Variants in TNKS observed in about 807,000 individuals in gnomAD.
The protein encoded by TNKS is poly [ADP-ribose] polymerase tankyrase-1.
TNKS carries 72 observed loss-of-function variants against 135.8 expected under a neutral mutation model. The observed-to-expected ratio is 0.53, with a 90% confidence interval of 0.44 to 0.64. The LOEUF is 0.64. TNKS is among the 30% of genes least tolerant of loss of function. The pLI, the probability that TNKS is intolerant of heterozygous loss-of-function variation, is 0.00. For synonymous variants in TNKS, 849 were observed against 649.3 expected (o/e 1.31, Z -4.68); for missense variants, 1,769 against 1,674.0 (o/e 1.06, Z -0.99).
chr8:9,749,471 CTTT>C (rs68021813), intron 18 of TNKS, among the ~76,000 whole-genome samples: 4 of 137,540 alleles, frequency 2.9e-5, no homozygotes, highest in African/African-American at 2.7e-5. Context: ...TTTTTCTTTT[CTTT>C]TTTTTTTTTT....
At chr8:9,559,476 A>AT in intron 1 of TNKS, among the ~76,000 whole-genome samples, 1 of 152,286 alleles carries the variant, frequency 6.6e-6, no homozygotes, top group East Asian at 1.9e-4. Flanking sequence ...CAGGGATTAC[A>AT]TGTGCAGGTT....
chr8:9,567,949 A>G, intron 1 of TNKS, among the ~76,000 whole-genome samples: 1 of 152,224 alleles, frequency 6.6e-6, no homozygotes, highest in East Asian at 1.9e-4. Context: ...AAGTGAAAAA[A>G]AAGGGGGGTA....
chr8:9,576,392 A>G (rs1288556887), intron 1 of TNKS, among the ~76,000 whole-genome samples: 1 of 152,052 alleles, frequency 6.6e-6, no homozygotes, highest in East Asian at 1.9e-4. Flanking sequence ...CAATCATGGC[A>G]GAAGGCAAAG....
intron 5 of TNKS, among the ~76,000 whole-genome samples, chr8:9,702,535 A>G (rs1191078810): frequency 6.6e-6 from 1 of 152,210 alleles, no homozygotes; most frequent in Non-Finnish European, 1.5e-5. Context: ...TAAAGGAAGG[A>G]AAAAAGTTAA....
intron 3 of TNKS, among the ~76,000 whole-genome samples, chr8:9,637,270 T>C (rs1305731491): frequency 6.6e-6 from 1 of 152,228 alleles, no homozygotes; most frequent in African/African-American, 2.4e-5. Flanking sequence ...TGTTATTGCC[T>C]GTGAGTATCA....
At chr8:9,750,221 G>C (rs759005455) in intron 18 of TNKS, among the ~76,000 whole-genome samples, 1 of 152,150 alleles carries the variant, frequency 6.6e-6, no homozygotes, top group Non-Finnish European at 1.5e-5. Context: ...ATGTTTTCCT[G>C]TCAGCACGCT....
At chr8:9,572,711 G>C (rs751616064) in intron 1 of TNKS, among the ~76,000 whole-genome samples, 54 of 152,168 alleles carry the variant, frequency 3.5e-4, no homozygotes, top group Non-Finnish European at 6.9e-4. Flanking sequence ...CTATAATTTT[G>C]AGGCTGCCTC....
chr8:9,556,185 C>T lies in TNKS; in HGVS notation c.246C>T (p.Asp82=), dbSNP rs1331900587. The change falls in exon 1 of 27, where the codon GAC becomes GAT. Residue 82 remains aspartate, a synonymous_variant. Transcript: ENST00000310430. ...CGCCCGACAGGCCCCGATCCCCGGA[C>T]CCGGTTGACGGTACCAGCTGTTGCA... ...RDPPDRPRSP[D]PVDGTSCCST... is the part of the protein sequence containing the mutation. 1.9e-6 allele frequency: 3 copies of T among 1,613,128 alleles called. No homozygotes were observed. The Admixed American group carries it at 5.0e-5, about 27-fold the overall frequency.
chr8:9,683,140 C>G (rs904293058), intron 5 of TNKS, among the ~76,000 whole-genome samples: 4 of 151,944 alleles, frequency 2.6e-5, no homozygotes, highest in Admixed American at 1.3e-4. Flanking sequence ...ATTTACGGCA[C>G]AGAGTAATTC....
At chr8:9,592,009 C>G (rs899548088) in intron 2 of TNKS, among the ~76,000 whole-genome samples, 3 of 152,136 alleles carry the variant, frequency 2.0e-5, no homozygotes, top group Non-Finnish European at 4.4e-5. Flanking sequence ...TCAGCTATTT[C>G]ATGTGAAAAC....
chr8:9,564,032 C>A (rs949776077), intron 1 of TNKS, among the ~76,000 whole-genome samples: 6 of 152,200 alleles, frequency 3.9e-5, no homozygotes, highest in African/African-American at 1.4e-4. Flanking sequence ...TCTGCAGGAT[C>A]ATCTTTTACA....
chr8:9,634,487 T>C (rs1437746496), intron 3 of TNKS, among the ~76,000 whole-genome samples: 1 of 152,220 alleles, frequency 6.6e-6, no homozygotes, highest in Non-Finnish European at 1.5e-5. Flanking sequence ...AGTTTGTTGT[T>C]CTTTGTTTTT....
intron 3 of TNKS, among the ~76,000 whole-genome samples, chr8:9,676,011 T>A (rs1471117059): frequency 4.7e-5 from 7 of 150,242 alleles, no homozygotes; most frequent in Non-Finnish European, 5.9e-5. Flanking sequence ...TCAGAATTTT[T>A]TTTTTTTTTT....
intron 1 of TNKS, among the ~76,000 whole-genome samples, chr8:9,569,505 T>C (rs1488727490): frequency 6.6e-6 from 1 of 152,258 alleles, no homozygotes; most frequent in African/African-American, 2.4e-5. Context: ...ATCTATCTTA[T>C]ATAGTTGTAG....
intron 3 of TNKS, among the ~76,000 whole-genome samples, chr8:9,652,797 T>G (rs190424000): frequency 6.6e-6 from 1 of 152,306 alleles, no homozygotes; most frequent in African/African-American, 2.4e-5. Context: ...ATTGAGTGTT[T>G]TATTTCCATT....
chr8:9,662,343 C>T (rs904637507), intron 3 of TNKS, among the ~76,000 whole-genome samples: 1 of 152,184 alleles, frequency 6.6e-6, no homozygotes, highest in African/African-American at 2.4e-5. Flanking sequence ...TTGGAACCAA[C>T]CCAAATGTCC....
At chr8:9,699,637 C>G (rs996203977) in intron 5 of TNKS, among the ~76,000 whole-genome samples, 4 of 152,136 alleles carry the variant, frequency 2.6e-5, no homozygotes, top group Non-Finnish European at 4.4e-5. Flanking sequence ...TGCACTCACC[C>G]TTCTTGTGAA....
intron 5 of TNKS, among the ~76,000 whole-genome samples, chr8:9,703,640 A>G (rs1803922536): frequency 6.6e-6 from 1 of 152,234 alleles, no homozygotes. Context: ...ATATCTCAAA[A>G]GCAATAGTAG....
chr8:9,729,927 C>T (rs1805351205), intron 13 of TNKS, among the ~76,000 whole-genome samples: 1 of 151,862 alleles, frequency 6.6e-6, no homozygotes, highest in African/African-American at 2.4e-5. Flanking sequence ...CAGGCACGCG[C>T]CACCATGCCC....
Sources: gnomAD v4.1 joint callset for allele counts (sites outside exome capture counted in the v4.1 genomes callset) on GRCh38, gnomAD v4.1.1 for gene constraint, MANE v1.5 for transcripts, NCBI Gene and HGNC (gene_info 2026-07-23, HGNC 2026-07-21) for gene names.